ANTXR1: variants seen among roughly 807,000 people sequenced by gnomAD.
ANTXR1 encodes the protein ANTXR cell adhesion molecule 1.
A neutral mutation model predicts 78.1 loss-of-function variants in ANTXR1; 19 were observed. The ratio of observed to expected loss-of-function variants is 0.24; its 90% CI spans 0.17 to 0.36. The LOEUF is 0.36. Among genes scored for constraint, ANTXR1 ranks in the 10% least tolerant of loss-of-function variants. ANTXR1 has a pLI of 1.00. For synonymous variants in ANTXR1, 273 were observed against 260.5 expected (o/e 1.05, Z -0.46); for missense variants, 518 against 718.6 (o/e 0.72, Z 3.19).
chr2:69,112,071 G>T (rs578128468), intron 10 of ANTXR1, among the ~76,000 whole-genome samples: 1 of 152,194 alleles, frequency 6.6e-6, no homozygotes, highest in Non-Finnish European at 1.5e-5. Flanking sequence ...GCCATTTTGT[G>T]TAACTCAGAA....
intron 7 of ANTXR1, among the ~76,000 whole-genome samples, chr2:69,076,645 AGATAGAT>A (rs533045028): frequency 2.0e-5 from 3 of 152,232 alleles, no homozygotes; most frequent in South Asian, 2.1e-4. Context: ...TAATAAAGAT[AGATAGAT>A]GATAGATGAA....
intron 13 of ANTXR1, among the ~76,000 whole-genome samples, chr2:69,163,638 C>T (rs934798758): frequency 6.6e-6 from 1 of 152,190 alleles, no homozygotes; most frequent in Non-Finnish European, 1.5e-5. Context: ...GACACACGCT[C>T]CTATTGACAG....
At chr2:69,117,458 G>T in intron 10 of ANTXR1, among the ~76,000 whole-genome samples, 1 of 152,142 alleles carries the variant, frequency 6.6e-6, no homozygotes, top group East Asian at 1.9e-4. Context: ...CAACATGCAT[G>T]CACCTGTGTG....
Position 69,247,470 on chromosome 2 carries a change from G to C in ANTXR1, c.*1985G>C, listed in dbSNP as rs1676048484. ...AACAGAGTCTCCCAGCCTTCTCAGA[G>C]AGCTAAAACCAGAAATTTCCAGACT... On this transcript the variant is annotated 3_prime_UTR_variant, in exon 18 of 18. Coordinates refer to ENST00000303714, the MANE Select transcript of ANTXR1 (RefSeq NM_032208.3). The C allele has an allele frequency of 6.5e-6, 1 of 152,954 alleles. No homozygotes were observed. The highest frequency in any genetic ancestry group is 2.4e-5 in the African/African-American group (1 of 41,408). The allele number at this position is 152,954 out of a possible 1,614,324, so 9.5% of individuals were successfully genotyped here. A position where few individuals can be genotyped will look rare whatever the true frequency, so the allele number is the denominator to read the frequency against.
At chr2:69,212,905 C>T (rs1462557649) in intron 17 of ANTXR1, among the ~76,000 whole-genome samples, 30 of 150,466 alleles carry the variant, frequency 2.0e-4, no homozygotes, top group Admixed American at 2.0e-3. Flanking sequence ...TTCCTGAGCT[C>T]AAGTGACCCT....
chr2:69,107,138 C>T (rs775634737), intron 10 of ANTXR1, among the ~76,000 whole-genome samples: 33 of 151,988 alleles, frequency 2.2e-4, no homozygotes, highest in Middle Eastern at 3.4e-3. Context: ...GAAAGCACCA[C>T]ATCCAGATTT....
At chr2:69,160,966 C>G (rs577961575) in intron 13 of ANTXR1, among the ~76,000 whole-genome samples, 1 of 152,170 alleles carries the variant, frequency 6.6e-6, no homozygotes, top group Admixed American at 6.5e-5. Flanking sequence ...CTTTTGTGCC[C>G]TCCCTGGAGG....
intron 11 of ANTXR1, among the ~76,000 whole-genome samples, chr2:69,123,579 C>A (rs771315057): frequency 1.3e-5 from 2 of 152,222 alleles, no homozygotes; most frequent in African/African-American, 2.4e-5. Context: ...ACCCCAGACT[C>A]ACGCCTTCTG....
chr2:69,027,626 GTGTGTGTGTGTGTA>G (rs966632727), intron 1 of ANTXR1, among the ~76,000 whole-genome samples: 8 of 143,984 alleles, frequency 5.6e-5, no homozygotes, highest in African/African-American at 2.2e-4. Flanking sequence ...ATGCAAGTGT[GTGTGTGTGTGTGTA>G]TGTGTGTGTG....
intron 3 of ANTXR1, among the ~76,000 whole-genome samples, chr2:69,046,081 C>T (rs1034605433): frequency 2.6e-5 from 4 of 152,118 alleles, no homozygotes; most frequent in African/African-American, 9.7e-5. Flanking sequence ...TCATCTTGCT[C>T]AGTCTTTAGA....
At position 69,121,447 on chromosome 2, in the gene ANTXR1, CA is replaced by C. The variant is rs993298324; in HGVS notation, c.803-1569del. Among the ~76,000 whole-genome samples, 9 of 152,158 alleles carry C rather than the reference CA, an allele frequency of 5.9e-5. 1 individual carries two copies. Among genetic ancestry groups the C allele is most frequent in the Non-Finnish European group, 1.2e-4 (8 of 68,016 alleles). Reference sequence around the variant, plus strand: ...ACCTGGAATAACCTCCCTAACTTTTCACCACTTGAAGATTTTCCTGTACATC... The same window carrying C: ...ACCTGGAATAACCTCCCTAACTTTTCCCACTTGAAGATTTTCCTGTACATC... On this transcript the variant is annotated intron_variant, in intron 10 of 17. Coordinates refer to ENST00000303714, the MANE Select transcript of ANTXR1 (RefSeq NM_032208.3).
intron 17 of ANTXR1, among the ~76,000 whole-genome samples, chr2:69,233,502 T>G (rs574750281): frequency 2.0e-5 from 3 of 152,064 alleles, no homozygotes; most frequent in Non-Finnish European, 2.9e-5. Flanking sequence ...TCAAAAAGAT[T>G]CTGATAGAAT....
intron 3 of ANTXR1, among the ~76,000 whole-genome samples, chr2:69,066,218 G>A (rs1670393031): frequency 6.6e-6 from 1 of 152,190 alleles, no homozygotes; most frequent in Non-Finnish European, 1.5e-5. Context: ...GGAAACCTCA[G>A]TAGAATACTT....
intron 13 of ANTXR1, among the ~76,000 whole-genome samples, chr2:69,158,036 C>T (rs891541295): frequency 6.6e-6 from 1 of 152,194 alleles, no homozygotes. Context: ...AGCACCTGTG[C>T]CTGCTTCTTT....
intron 10 of ANTXR1, among the ~76,000 whole-genome samples, chr2:69,118,246 C>CAAAAAAAAAAAA (rs61565815): frequency 1.1e-5 from 1 of 94,964 alleles, no homozygotes; most frequent in African/African-American, 3.7e-5. Context: ...CTTGTCTCTA[C>CAAAAAAAAAAAA]AAAAAAAAAA....
intron 17 of ANTXR1, among the ~76,000 whole-genome samples, chr2:69,223,368 T>C (rs1271160428): frequency 6.6e-6 from 1 of 152,246 alleles, no homozygotes; most frequent in Non-Finnish European, 1.5e-5. Flanking sequence ...CTTCCTCCCA[T>C]TGTCTTTTCT....
At chr2:69,225,024 T>G (rs1675409313) in intron 17 of ANTXR1, among the ~76,000 whole-genome samples, 1 of 152,040 alleles carries the variant, frequency 6.6e-6, no homozygotes, top group Non-Finnish European at 1.5e-5. Flanking sequence ...GCTCATGTGC[T>G]GACCTCCTGG....
intron 17 of ANTXR1, among the ~76,000 whole-genome samples, chr2:69,229,815 C>G (rs984383764): frequency 6.6e-6 from 1 of 151,292 alleles, no homozygotes; most frequent in African/African-American, 2.4e-5. Flanking sequence ...TGATTAAAAC[C>G]AGGCTCTTTG....
At chr2:69,040,022 A>C (rs777766794) in intron 1 of ANTXR1, 22 bp from the exon 2 acceptor site, 4 of 1,609,830 alleles carry the variant, frequency 2.5e-6, no homozygotes, top group Non-Finnish European at 3.4e-6. Context: ...GAGTCACGCA[A>C]CACCTGCTTT....
Sources: gnomAD v4.1 joint callset for allele counts (sites outside exome capture counted in the v4.1 genomes callset) on GRCh38, gnomAD v4.1.1 for gene constraint, MANE v1.5 for transcripts, NCBI Gene and HGNC (gene_info 2026-07-23, HGNC 2026-07-21) for gene names.